The following ZNF17 variants were observed in gnomAD, a reference collection of about 807,000 sequenced individuals.
The protein encoded by ZNF17 is zinc finger protein 17 (HPF3, KOX 10).
A neutral mutation model predicts 7.7 loss-of-function variants in ZNF17; 4 were observed. That is an observed-to-expected ratio of 0.52 (90% CI 0.26 to 1.20). The LOEUF (loss-of-function observed/expected upper bound fraction) is 1.20, where lower values mean the gene tolerates loss of function less well. Ranked by LOEUF, ZNF17 falls within the 50% of genes most tolerant of loss-of-function variation. The pLI, the probability that ZNF17 is intolerant of heterozygous loss-of-function variation, is 0.14. For missense variants in ZNF17, 738 were observed against 799.5 expected (o/e 0.92, Z 0.93); for synonymous variants, 249 against 258.8 (o/e 0.96, Z 0.36).
Position 57,419,976 on chromosome 19 carries a change from C to A in ZNF17, c.490C>A (p.Leu164Ile). 6.2e-7 allele frequency: 1 copy of A among 1,614,228 alleles called. No homozygotes were observed. Among genetic ancestry groups the A allele is most frequent in the Non-Finnish European group, 8.5e-7 (1 of 1,180,042 alleles). ...CAAGGATTTTACTGGTGATTCAGAT[C>A]TTCAACAACAGGCTCTTCACAGTGG... ...GGKDFTGDSDLQQQALHSGWK... is the reference protein window; with the variant it reads ...GGKDFTGDSDIQQQALHSGWK... The change falls in exon 4 of 4, where the codon CTT becomes ATT. Residue 164 changes from leucine (L) to isoleucine (I), a missense_variant. Leu to Ile is a conservative substitution (Grantham distance 5, BLOSUM62 2). Around this residue, in one of 3 missense-constraint regions of ZNF17, gnomAD observed 616 missense variants for 663.9 expected, o/e 0.93. Transcript: ENST00000307658.
rs1426454217 is a variant in ZNF17, at chr19:57,419,973, G to C, written c.487G>C (p.Asp163His). 2 of 1,614,122 alleles carry C rather than the reference G, an allele frequency of 1.2e-6. No homozygotes were observed. The highest frequency in any genetic ancestry group is 2.7e-5 in the African/African-American group (2 of 74,940). The change falls in exon 4 of 4, where the codon GAT becomes CAT. Residue 163 changes from aspartate (D) to histidine (H), a missense_variant. By Grantham distance (81) the Asp-to-His change is moderately conservative. Transcript: ENST00000307658. ...QGGKDFTGDS[D>H]LQQQALHSGW... ...TGGCAAGGATTTTACTGGTGATTCA[G>C]ATCTTCAACAACAGGCTCTTCACAG...
chr19:57,420,853 G>A lies in ZNF17; in HGVS notation c.1367G>A (p.Cys456Tyr). 1.9e-6 allele frequency: 3 copies of A among 1,614,114 alleles called. No homozygotes were observed. The highest frequency in any genetic ancestry group is 1.1e-5 in the South Asian group (1 of 91,092). The change falls in exon 4 of 4, where the codon TGC (cysteine) becomes TAC (tyrosine). Residue 456 changes from cysteine (C) to tyrosine (Y), a missense_variant. Around this residue, in one of 3 missense-constraint regions of ZNF17, gnomAD observed 616 missense variants for 663.9 expected, o/e 0.93. Coordinates refer to ENST00000307658, the MANE Select transcript of ZNF17 (RefSeq NM_001330617.2). ...AAATGTGGGAAATTCTTTAGGTATT[G>A]CTTCACACTGAATAGACATCAGAGA... ...CNKCGKFFRY[C>Y]FTLNRHQRVH...
chr19:57,414,555 G>A (rs546295579), intron 2 of ZNF17, among the ~76,000 whole-genome samples: 11 of 150,906 alleles, frequency 7.3e-5, no homozygotes, highest in Non-Finnish European at 1.0e-4. Flanking sequence ...GGCTGGTCTC[G>A]AACTCCTGGC....
At chr19:57,411,717 G>A (rs1254024764) in intron 1 of ZNF17, 1 of 1,261,642 alleles carries the variant, frequency 7.9e-7, no homozygotes, top group Non-Finnish European at 1.0e-6. Context: ...TGTGCAGGAA[G>A]GGTTATGCCC....
chr19:57,421,611 A>C lies in ZNF17; in HGVS notation c.*130A>C. ...TAACATAAAATCTAACATCTTAACC[A>C]TGTTAAAGTGTATAGTTCAGTACTG... On this transcript the variant is annotated 3_prime_UTR_variant, in exon 4 of 4. Transcript: ENST00000307658. 2.8e-6 allele frequency: 3 copies of C among 1,080,370 alleles called. No individual in the cohort carries two copies. The highest frequency in any genetic ancestry group is 3.9e-6 in the Non-Finnish European group (3 of 765,732). 66.9% of individuals were successfully genotyped at this position (1,080,370 alleles called of 1,614,324 possible). A position where few individuals can be genotyped will look rare whatever the true frequency, so the allele number is the denominator to read the frequency against.
chr19:57,419,460 T>C (rs949518312), intron 3 of ZNF17, 175 bp from the exon 4 acceptor site: 1 of 641,452 alleles, frequency 1.6e-6, no homozygotes, highest in Non-Finnish European at 2.7e-6. Flanking sequence ...TCTTTCGTTA[T>C]GGGTTTCTGT....
chr19:57,415,343 G>A (rs995961824), intron 2 of ZNF17, among the ~76,000 whole-genome samples: 2 of 152,182 alleles, frequency 1.3e-5, no homozygotes, highest in Non-Finnish European at 2.9e-5. Flanking sequence ...GTAGTAGGGG[G>A]AGTTTAATAG....
Position 57,413,576 on chromosome 19 carries a change from T to C in ZNF17, c.-20-20T>C, listed in dbSNP as rs2088792295. Reference sequence around the variant, plus strand: ...TGCTGCAATGCTGTCTTAATCCTCATGGCCTGCCTCTTCCCACAGGGTTCA... The same window carrying C: ...TGCTGCAATGCTGTCTTAATCCTCACGGCCTGCCTCTTCCCACAGGGTTCA... On this transcript the variant is annotated intron_variant, in intron 1 of 3. Transcript: ENST00000307658. The C allele has an allele frequency of 1.3e-6, 2 of 1,535,696 alleles. No homozygotes were observed. The highest frequency in any genetic ancestry group is 1.8e-4 in the Middle Eastern group (1 of 5,644).
At chr19:57,416,417 C>A (rs781092528) in intron 2 of ZNF17, among the ~76,000 whole-genome samples, 6 of 151,944 alleles carry the variant, frequency 3.9e-5, no homozygotes, top group Non-Finnish European at 7.4e-5. Flanking sequence ...GAGGGTGAGT[C>A]CAAGTTTGGT....
Position 57,411,250 on chromosome 19 carries a change from G to A in ZNF17, c.-177G>A, listed in dbSNP as rs1208000520. 1.6e-6 allele frequency: 2 copies of A among 1,227,600 alleles called. No homozygotes were observed. The highest frequency in any genetic ancestry group is 2.2e-6 in the Non-Finnish European group (2 of 895,930). The allele number at this position is 1,227,600 out of a possible 1,614,324, so 76.0% of individuals were successfully genotyped here. A position where few individuals can be genotyped will look rare whatever the true frequency, so the allele number is the denominator to read the frequency against. On this transcript the variant is annotated 5_prime_UTR_variant, in exon 1 of 4. Coordinates refer to ENST00000307658, the MANE Select transcript of ZNF17 (RefSeq NM_001330617.2). ...GACTGAGGTGAAAAAGCGGAAAAAC[G>A]CGAGAAAAGGTTTCCCCGTTGTACA... is the stretch of plus-strand genomic sequence containing the variant.
chr19:57,416,114 CAAAG>C (rs1218398648), intron 2 of ZNF17, among the ~76,000 whole-genome samples: 1 of 152,016 alleles, frequency 6.6e-6, no homozygotes, highest in Non-Finnish European at 1.5e-5. Context: ...AAGCTGAGGT[CAAAG>C]AAAGAAACAG....
chr19:57,414,256 A>T (rs921786266), intron 2 of ZNF17, among the ~76,000 whole-genome samples: 1 of 151,022 alleles, frequency 6.6e-6, no homozygotes, highest in African/African-American at 2.4e-5. Context: ...GATGTTCTCA[A>T]TCTCTTGACC....
At position 57,411,509 on chromosome 19, in the gene ZNF17, G is replaced by A. The variant is rs1290250360; in HGVS notation, c.-21+103G>A. 3 of 1,510,884 alleles carry A rather than the reference G, an allele frequency of 2.0e-6. No individual in the cohort carries two copies. In the African/African-American group the frequency reaches 4.1e-5, roughly 21 times the overall value. 93.6% of individuals were successfully genotyped at this position (1,510,884 alleles called of 1,614,324 possible). A position where few individuals can be genotyped will look rare whatever the true frequency, so the allele number is the denominator to read the frequency against. ...AGGCCCCTGTGTCCCAAAGAGAGGA[G>A]CGTTCTTGTGTGGGGTACCGGTGTC... is the stretch of plus-strand genomic sequence containing the variant. On this transcript the variant is annotated intron_variant, in intron 1 of 3. Coordinates refer to ENST00000307658, the MANE Select transcript of ZNF17 (RefSeq NM_001330617.2).
rs1286661343 is a variant in ZNF17, at chr19:57,419,875, G to A, written c.389G>A (p.Ser130Asn). The A allele has an allele frequency of 6.2e-7, 1 of 1,614,238 alleles. No individual in the cohort carries two copies. The highest frequency in any genetic ancestry group is 8.5e-7 in the Non-Finnish European group (1 of 1,180,040). Residue 130 changes from serine to asparagine, a missense_variant, in exon 4 of 4, where the codon AGT becomes AAT. Coordinates refer to ENST00000307658, the MANE Select transcript of ZNF17 (RefSeq NM_001330617.2). ...CATCTTAGAGAGAAGCTCACCAGAA[G>A]TGATGAAGGGAGGCCTTCGTTTGTG... ...KEHLREKLTR[S>N]DEGRPSFVND...
chr19:57,411,782 C>A (rs968549571), intron 1 of ZNF17: 6 of 703,258 alleles, frequency 8.5e-6, no homozygotes, highest in Non-Finnish European at 1.1e-5. Context: ...GACAAGGGGA[C>A]CGCTGAGGAG....
chr19:57,421,430 C>G lies in ZNF17; in HGVS notation c.1944C>G (p.Val648=). 1.9e-6 allele frequency: 3 copies of G among 1,613,006 alleles called. No homozygotes were observed. Among genetic ancestry groups the G allele is most frequent in the Non-Finnish European group, 2.5e-6 (3 of 1,179,542 alleles). ...RPYQCSECGR[V]FNQNSHLIQH... ...ATCAGTGCAGTGAATGTGGAAGAGT[C>G]TTTAACCAAAATTCTCATCTCATTC... The change falls in exon 4 of 4, where the codon GTC becomes GTG. Residue 648 remains valine, a synonymous_variant. Transcript: ENST00000307658.
chr19:57,421,619 G>C lies in ZNF17; in HGVS notation c.*138G>C. 9.6e-7 allele frequency: 1 copy of C among 1,040,068 alleles called. No homozygotes were observed. The highest frequency in any genetic ancestry group is 2.6e-5 in the East Asian group (1 of 38,348). 64.4% of individuals were successfully genotyped at this position (1,040,068 alleles called of 1,614,324 possible). On this transcript the variant is annotated 3_prime_UTR_variant, in exon 4 of 4. Coordinates refer to ENST00000307658, the MANE Select transcript of ZNF17 (RefSeq NM_001330617.2). ...AATCTAACATCTTAACCATGTTAAA[G>C]TGTATAGTTCAGTACTGTTAAGTCA...
chr19:57,413,776 C>G, intron 2 of ZNF17, 140 bp downstream of exon 2: 1 of 1,054,552 alleles, frequency 9.5e-7, no homozygotes, highest in Non-Finnish European at 1.4e-6. Context: ...TCCACCAGAC[C>G]TGGGTTCCAA....
At chr19:57,414,387 T>G (rs1185937171) in intron 2 of ZNF17, among the ~76,000 whole-genome samples, 13 of 146,770 alleles carry the variant, frequency 8.9e-5, no homozygotes, top group Non-Finnish European at 1.9e-4. Context: ...CAGGCGGGAG[T>G]GCATTGATGT....
Sources: allele counts gnomAD v4.1 joint callset (sites outside exome capture counted in the v4.1 genomes callset), GRCh38; gene constraint gnomAD v4.1.1; regional missense constraint gnomAD v4.1.1; transcripts MANE v1.5; gene names NCBI Gene and HGNC (gene_info 2026-07-23, HGNC 2026-07-21).